FADS6: variants seen among roughly 807,000 people sequenced by gnomAD.
The protein encoded by FADS6 is fatty acid desaturase 6.
In FADS6, 28 loss-of-function variants were observed where a neutral mutation model predicts 31.7. The ratio of observed to expected loss-of-function variants is 0.88; its 90% CI spans 0.66 to 1.21. The LOEUF is 1.21. Among genes scored for constraint, FADS6 ranks in the 50% most tolerant of loss-of-function variants. FADS6 has a pLI of 0.00. For synonymous variants in FADS6, 191 were observed against 213.1 expected, an observed-to-expected ratio of 0.90 and a Z score of 0.90; for missense variants, 494 against 504.2, an observed-to-expected ratio of 0.98 and a Z score of 0.19.
intron 2 of FADS6, among the ~76,000 whole-genome samples, chr17:74,888,142 A>G (rs1318380906): frequency 0.016 from 1,772 of 109,672 alleles, 23 homozygotes; most frequent in Non-Finnish European, 0.02. Context: ...ACACACACAC[A>G]CACACACACA....
chr17:74,877,752 A>G lies in FADS6; in HGVS notation c.*579T>C. 1.0e-6 allele frequency: 1 copy of G among 985,584 alleles called. No homozygotes were observed. Among genetic ancestry groups the G allele is most frequent in the Non-Finnish European group, 1.2e-6 (1 of 830,064 alleles). The allele number at this position is 985,584 out of a possible 1,614,324, so 61.1% of individuals were successfully genotyped here. On this transcript the variant is annotated 3_prime_UTR_variant, in exon 6 of 6. Coordinates refer to ENST00000612771, the MANE Select transcript of FADS6 (RefSeq NM_178128.6). ...TCTTGCTGATACTGTGGCCTGGGGA[A>G]CTGCTGAGCCAGTGTCTTGCACAGG...
In FADS6 at chr17:74,881,426, G is replaced by A. The variant is rs534435026; in HGVS notation, c.593-171C>T. Among the ~76,000 whole-genome samples, 9 of 152,306 alleles carry A rather than the reference G, an allele frequency of 5.9e-5. No homozygotes were observed. In the East Asian group the frequency reaches 7.7e-4, roughly 13 times the overall value. On this transcript the variant is annotated intron_variant, in intron 3 of 5. Transcript: ENST00000612771. ...GGATGAAGAAACAGAGGCCAGGCTC[G>A]ATGGCTCAAGCCTATAAACCCAGCA...
In FADS6 at chr17:74,881,402, G is replaced by A. The variant is rs111402735; in HGVS notation, c.593-147C>T. ...GAAAAGCAGGGCACCCCATTGTGTG[G>A]ATGAAGAAACAGAGGCCAGGCTCGA... On this transcript the variant is annotated intron_variant, in intron 3 of 5. Transcript: ENST00000612771. 8.3e-5 allele frequency: 65 copies of A among 782,508 alleles called. 2 individuals carry two copies. The African/African-American group carries it at 9.3e-4, about 11-fold the overall frequency. The allele number at this position is 782,508 out of a possible 1,614,324, so 48.5% of individuals were successfully genotyped here.
intron 2 of FADS6, among the ~76,000 whole-genome samples, chr17:74,888,491 A>T (rs1233667356): frequency 6.6e-6 from 1 of 152,166 alleles, no homozygotes; most frequent in Non-Finnish European, 1.5e-5. Context: ...GGTAATGGTC[A>T]CACTGAACGC....
In FADS6 at chr17:74,882,696, G is replaced by A. The variant is rs759892994; in HGVS notation, c.426C>T (p.Phe142=). 4.3e-6 allele frequency: 7 copies of A among 1,609,936 alleles called. No individual in the cohort carries two copies. In the South Asian group the frequency reaches 7.8e-5, roughly 18 times the overall value. Residue 142 remains phenylalanine (F), a synonymous_variant, in exon 3 of 6, where the codon TTC becomes TTT. Transcript: ENST00000612771. ...GCCCATGCGTGGCGTGCTCTGCAGT[G>A]AAGGCTGTGCACACCTAGAGGAGGG... The part of the protein sequence containing the change: ...LLFFVEVCTA[F]TAEHATHGHV...
intron 3 of FADS6, 101 bp from the exon 4 acceptor site, chr17:74,881,356 A>AT: frequency 8.9e-7 from 1 of 1,125,668 alleles, no homozygotes; most frequent in Non-Finnish European, 1.2e-6. Context: ...GGCGTGTTCA[A>AT]TTCATACCCA....
chr17:74,893,146 A>T (rs1338583233), intron 1 of FADS6, among the ~76,000 whole-genome samples: 1 of 131,584 alleles, frequency 7.6e-6, no homozygotes, highest in Non-Finnish European at 1.6e-5. Context: ...ACAGGGCAGA[A>T]CACCCCAGTC....
At chr17:74,889,793 C>T (rs2038668453) in intron 2 of FADS6, among the ~76,000 whole-genome samples, 1 of 135,018 alleles carries the variant, frequency 7.4e-6, no homozygotes, top group Non-Finnish European at 1.5e-5. Flanking sequence ...ATCACTTGAA[C>T]CCTGGAGGTG....
At chr17:74,879,700 G>C in intron 4 of FADS6, 117 bp from the exon 5 acceptor site, 1 of 1,097,928 alleles carries the variant, frequency 9.1e-7, no homozygotes, top group Non-Finnish European at 1.3e-6. Context: ...CATGTGGGGG[G>C]ACCTGGTAGA....
chr17:74,887,352 TGGGAA>T, intron 2 of FADS6, among the ~76,000 whole-genome samples: 1 of 152,180 alleles, frequency 6.6e-6, no homozygotes, highest in East Asian at 1.9e-4. Context: ...CCCAAGGTGG[TGGGAA>T]CCACTGGGCC....
downstream of FADS6, among the ~76,000 whole-genome samples, chr17:74,876,287 T>G (rs958896717): frequency 6.6e-6 from 1 of 152,142 alleles, no homozygotes; most frequent in Non-Finnish European, 1.5e-5. Context: ...TCAGGAGGCC[T>G]TTCACTCTAT....
intron 2 of FADS6, among the ~76,000 whole-genome samples, chr17:74,891,779 C>A (rs921706730): frequency 6.6e-6 from 1 of 152,196 alleles, no homozygotes; most frequent in Non-Finnish European, 1.5e-5. Context: ...TAATTGGTCA[C>A]AACGACCAGT....
At chr17:74,885,848 T>C (rs2038616206) in intron 2 of FADS6, among the ~76,000 whole-genome samples, 1 of 152,186 alleles carries the variant, frequency 6.6e-6, no homozygotes, top group South Asian at 2.1e-4. Context: ...TGTAGTGTAC[T>C]GTTTGTTTAA....
Position 74,878,287 on chromosome 17 carries a change from G to C in FADS6, c.*44C>G, listed in dbSNP as rs2038527835. 6.3e-7 allele frequency: 1 copy of C among 1,577,618 alleles called. No individual in the cohort carries two copies. Among genetic ancestry groups the C allele is most frequent in the East Asian group, 2.3e-5 (1 of 43,442 alleles). On this transcript the variant is annotated 3_prime_UTR_variant, in exon 6 of 6. Transcript: ENST00000612771. ...GACCAGCAGCAGCAGGAGGGCCAGGGCCAGGCCAGGGAGGGGCAGGGTGGC... is the reference window on the plus strand; with the variant it reads ...GACCAGCAGCAGCAGGAGGGCCAGGCCCAGGCCAGGGAGGGGCAGGGTGGC...
At chr17:74,884,312 G>A (rs2038602308) in intron 2 of FADS6, among the ~76,000 whole-genome samples, 1 of 152,240 alleles carries the variant, frequency 6.6e-6, no homozygotes. Context: ...CCCTGAGCAA[G>A]ACTGACAGGT....
chr17:74,877,115 C>G (rs2038513508), downstream of FADS6, among the ~76,000 whole-genome samples: 1 of 152,044 alleles, frequency 6.6e-6, no homozygotes, highest in South Asian at 2.1e-4. Flanking sequence ...TCTATCTGCA[C>G]CCCACCCTCC....
rs572066077 is a variant in FADS6, at chr17:74,887,851, A to C, written c.411+4672T>G. 9.3e-4 allele frequency among the ~76,000 whole-genome samples: 142 copies of C among 152,096 alleles called. 2 individuals are homozygous for C. The highest frequency in any genetic ancestry group is 5.0e-3 in the South Asian group (24 of 4,820). Reference sequence around the variant, plus strand: ...CAGGCGTGTGCCACCACGCCCGGCTACCTTTTTTCATATTTTAGTACAGAC... The same window carrying C: ...CAGGCGTGTGCCACCACGCCCGGCTCCCTTTTTTCATATTTTAGTACAGAC... On this transcript the variant is annotated intron_variant, in intron 2 of 5. Transcript: ENST00000612771.
chr17:74,882,457 G>A, intron 3 of FADS6, 73 bp downstream of exon 3: 1 of 1,482,002 alleles, frequency 6.7e-7, no homozygotes, highest in Non-Finnish European at 9.0e-7. Flanking sequence ...CCTCCATGAA[G>A]CCACGCAGGG....
intron 2 of FADS6, among the ~76,000 whole-genome samples, chr17:74,883,666 T>G (rs1044997001): frequency 6.6e-6 from 1 of 152,108 alleles, no homozygotes; most frequent in Non-Finnish European, 1.5e-5. Flanking sequence ...TTTATTTTAT[T>G]TTTATTCTGT....
Sources: gnomAD v4.1 joint callset for allele counts (sites outside exome capture counted in the v4.1 genomes callset) on GRCh38, gnomAD v4.1.1 for gene constraint, MANE v1.5 for transcripts, NCBI Gene and HGNC (gene_info 2026-07-23, HGNC 2026-07-21) for gene names.